The following TDRD3 variants were observed in gnomAD, a reference collection of about 807,000 sequenced individuals.
TDRD3 encodes tudor domain-containing protein 3.
In TDRD3, 45 loss-of-function variants were observed where a neutral mutation model predicts 86.7. That is an observed-to-expected ratio of 0.52 (90% CI 0.41 to 0.67). The LOEUF is 0.67. Among genes scored for constraint, TDRD3 ranks in the 30% least tolerant of loss-of-function variants. The pLI, the probability that TDRD3 is intolerant of heterozygous loss-of-function variation, is 0.00. For missense variants in TDRD3, 814 were observed against 889.0 expected (o/e 0.92, Z 1.07); for synonymous variants, 298 against 301.7 (o/e 0.99, Z 0.13).
In TDRD3 at chr13:60,420,541, G is replaced by A. The variant is rs71434916; in HGVS notation, c.42-19147G>A. ...CAAATTATGTTGGTTTGTGGAGTGG[G>A]AAAGAAGCATGGTATTATTTTTATT... is the stretch of plus-strand genomic sequence containing the variant. On this transcript the variant is annotated intron_variant, in intron 1 of 13. Transcript: ENST00000377881. 2.0e-5 allele frequency among the ~76,000 whole-genome samples: 3 copies of A among 152,116 alleles called. No individual in the cohort carries two copies. The East Asian group carries it at 5.8e-4, about 29-fold the overall frequency.
intron 11 of TDRD3, among the ~76,000 whole-genome samples, chr13:60,534,686 GAGGCCA>G (rs1377653966): frequency 1.3e-5 from 2 of 151,924 alleles, no homozygotes; most frequent in Admixed American, 6.6e-5. Context: ...AGTACTGTGG[GAGGCCA>G]AGGCAGGCAG....
At chr13:60,516,626 A>C (rs1242870937) in intron 10 of TDRD3, among the ~76,000 whole-genome samples, 1 of 152,290 alleles carries the variant, frequency 6.6e-6, no homozygotes, top group South Asian at 2.1e-4. Context: ...TAATTTTCTC[A>C]TCAGGAAATG....
intron 10 of TDRD3, among the ~76,000 whole-genome samples, chr13:60,521,391 AC>A (rs1488588681): frequency 6.6e-6 from 1 of 152,142 alleles, no homozygotes; most frequent in African/African-American, 2.4e-5. Context: ...ACTGGAGAAA[AC>A]AATGCTGAGC....
chr13:60,496,878 C>T (rs1185741664), intron 8 of TDRD3, among the ~76,000 whole-genome samples: 2 of 152,178 alleles, frequency 1.3e-5, no homozygotes, highest in African/African-American at 2.4e-5. Context: ...TGGCAGCAAG[C>T]TGCTTGTTCT....
chr13:60,573,170 G>T (rs1403761651), intron 13 of TDRD3, among the ~76,000 whole-genome samples: 4 of 152,190 alleles, frequency 2.6e-5, no homozygotes, highest in Non-Finnish European at 1.5e-5. Flanking sequence ...GAGCAGGCAG[G>T]GGGAGGTGAC....
chr13:60,480,634 T>C (rs1956288678), intron 5 of TDRD3, among the ~76,000 whole-genome samples: 1 of 152,232 alleles, frequency 6.6e-6, no homozygotes, highest in Non-Finnish European at 1.5e-5. Flanking sequence ...CAGAGTTGTA[T>C]GTTTGGTCTC....
chr13:60,411,548 G>GA (rs1954367814), intron 1 of TDRD3, among the ~76,000 whole-genome samples: 1 of 152,168 alleles, frequency 6.6e-6, no homozygotes, highest in East Asian at 1.9e-4. Context: ...TAATTAGGTT[G>GA]AAGGCTAGGC....
intron 1 of TDRD3, among the ~76,000 whole-genome samples, chr13:60,438,023 G>A (rs1342153855): frequency 1.3e-5 from 2 of 151,914 alleles, no homozygotes; most frequent in East Asian, 1.9e-4. Context: ...AGTTATTTTG[G>A]CCTTGTATGA....
At chr13:60,396,830 G>A, upstream of TDRD3, 1 of 152,388 alleles carries the variant, frequency 6.6e-6, no homozygotes, top group Non-Finnish European at 1.5e-5. Flanking sequence ...AATGGGCTGG[G>A]GACACCTCTG....
At position 60,420,413 on chromosome 13, in the gene TDRD3, T is replaced by C. The variant is rs147534052; in HGVS notation, c.42-19275T>C. On this transcript the variant is annotated intron_variant, in intron 1 of 13. Coordinates refer to ENST00000377881, the MANE Select transcript of TDRD3 (RefSeq NM_001146070.2). ...TTTCTTTTATAATGAGGGCTTTTTA[T>C]GTCCTGTTCAAGAATTGTTGCCTAC... 3.1e-3 allele frequency among the ~76,000 whole-genome samples: 465 copies of C among 152,230 alleles called. 2 individuals are homozygous for C. The highest frequency in any genetic ancestry group is 0.011 in the African/African-American group (442 of 41,562).
chr13:60,509,492 C>T, intron 8 of TDRD3: 1 of 332,746 alleles, frequency 3.0e-6, no homozygotes, highest in Non-Finnish European at 5.6e-6. Context: ...TTTTCAAAGG[C>T]CATACTCTAA....
chr13:60,497,165 G>A (rs574492139), intron 8 of TDRD3, among the ~76,000 whole-genome samples: 26 of 152,230 alleles, frequency 1.7e-4, no homozygotes, highest in South Asian at 1.7e-3. Context: ...GGTCTGGGAC[G>A]GCGGTGAACA....
intron 1 of TDRD3, chr13:60,433,984 T>G (rs1349162051): frequency 6.6e-6 from 1 of 152,160 alleles, no homozygotes; most frequent in Non-Finnish European, 1.5e-5. Context: ...AAAACAATAG[T>G]GTTTGTTTTA....
At chr13:60,400,778 C>T (rs1954073164) in intron 1 of TDRD3, among the ~76,000 whole-genome samples, 1 of 150,736 alleles carries the variant, frequency 6.6e-6, no homozygotes, top group African/African-American at 2.4e-5. Context: ...ATTAATGTTG[C>T]ATAGCTTAAC....
At chr13:60,527,250 C>G (rs895803512) in intron 10 of TDRD3, among the ~76,000 whole-genome samples, 18 of 152,170 alleles carry the variant, frequency 1.2e-4, no homozygotes, top group African/African-American at 4.3e-4. Context: ...CCTCCAGTGG[C>G]TGTTTGGAAA....
chr13:60,487,691 T>C (rs1368368539), intron 7 of TDRD3, among the ~76,000 whole-genome samples: 1 of 152,146 alleles, frequency 6.6e-6, no homozygotes, highest in Non-Finnish European at 1.5e-5. Flanking sequence ...GGCACTTAGG[T>C]TGATTTCATA....
intron 8 of TDRD3, among the ~76,000 whole-genome samples, chr13:60,508,404 T>C (rs149815903): frequency 6.6e-6 from 1 of 152,186 alleles, no homozygotes; most frequent in African/African-American, 2.4e-5. Flanking sequence ...CAGCATGATA[T>C]TGGTACCAAA....
chr13:60,410,184 T>C (rs1373868180), intron 1 of TDRD3, among the ~76,000 whole-genome samples: 1 of 152,200 alleles, frequency 6.6e-6, no homozygotes, highest in Admixed American at 6.5e-5. Flanking sequence ...GTTAAACCTC[T>C]TTTTCTTCCT....
chr13:60,484,867 AT>A (rs1018742424), intron 6 of TDRD3: 1 of 300,242 alleles, frequency 3.3e-6, no homozygotes, highest in Non-Finnish European at 6.6e-6. Flanking sequence ...ACCCTTAAAC[AT>A]TTTGGTGATA....
Sources: gnomAD v4.1 joint callset for allele counts (sites outside exome capture counted in the v4.1 genomes callset) on GRCh38, gnomAD v4.1.1 for gene constraint, MANE v1.5 for transcripts, NCBI Gene and HGNC (gene_info 2026-07-23, HGNC 2026-07-21) for gene names.